The following PTN variants were observed in gnomAD, a reference collection of about 807,000 sequenced individuals.
PTN encodes the protein pleiotrophin.
PTN carries 18 observed loss-of-function variants against 24.1 expected under a neutral mutation model. That is an observed-to-expected ratio of 0.75 (90% CI 0.52 to 1.11). The LOEUF (loss-of-function observed/expected upper bound fraction) is 1.11, where lower values mean the gene tolerates loss of function less well. PTN is among the 50% of genes least tolerant of loss of function. The pLI is 0.00. For synonymous variants in PTN, 78 were observed against 68.6 expected (o/e 1.14, Z -0.67); for missense variants, 163 against 198.8 (o/e 0.82, Z 1.08).
intron 4 of PTN, among the ~76,000 whole-genome samples, chr7:137,238,121 C>T (rs778317872): frequency 1.3e-5 from 2 of 152,130 alleles, no homozygotes; most frequent in Non-Finnish European, 2.9e-5. Flanking sequence ...GTGCACTGAA[C>T]AACAACAAGC....
chr7:137,252,857 G>C (rs1808852479), intron 3 of PTN, among the ~76,000 whole-genome samples: 1 of 149,070 alleles, frequency 6.7e-6, no homozygotes, highest in Non-Finnish European at 1.5e-5. Context: ...ACTGACTCCA[G>C]TCAGTGGGAG....
intron 4 of PTN, among the ~76,000 whole-genome samples, chr7:137,229,764 T>C (rs1808396959): frequency 6.6e-6 from 1 of 151,838 alleles, no homozygotes; most frequent in African/African-American, 2.4e-5. Context: ...CAAATATCTT[T>C]CTTTCACCCT....
chr7:137,239,458 G>T (rs1808586357), intron 4 of PTN, among the ~76,000 whole-genome samples: 2 of 151,588 alleles, frequency 1.3e-5, no homozygotes, highest in South Asian at 4.2e-4. Context: ...GTGCAGGTTA[G>T]TTACACATGT....
chr7:137,249,911 A>T (rs1808793716), intron 4 of PTN, among the ~76,000 whole-genome samples: 1 of 152,068 alleles, frequency 6.6e-6, no homozygotes, highest in South Asian at 2.1e-4. Context: ...TCTATGGACA[A>T]CTCCAGCAGT....
intron 4 of PTN, chr7:137,236,327 A>C (rs1409138048): frequency 5.7e-6 from 4 of 697,292 alleles, no homozygotes; most frequent in Non-Finnish European, 1.0e-5. Context: ...CAGTAGAGTC[A>C]GGGGTGGGGG....
intron 1 of PTN, among the ~76,000 whole-genome samples, chr7:137,322,795 A>G (rs1249636237): frequency 1.3e-5 from 2 of 152,208 alleles, no homozygotes; most frequent in African/African-American, 2.4e-5. Flanking sequence ...ATTAGCTTCC[A>G]AAACTTCACT....
rs1387056797 is a variant in PTN, at chr7:137,280,821, G to A, written c.-1-25847C>T. The stretch of plus-strand genomic sequence containing the variant: ...TGGGAGGCAGAGGCTGCAGTGAGCC[G>A]AGATTGTGCCACTGCACTCCAGCCT... On this transcript the variant is annotated intron_variant, in intron 1 of 4. Coordinates refer to ENST00000348225, the MANE Select transcript of PTN (RefSeq NM_002825.7). Among the ~76,000 whole-genome samples the A allele has an allele frequency of 6.1e-5, 9 of 146,544 alleles. No individual in the cohort carries two copies. The East Asian group carries it at 1.4e-3, about 23-fold the overall frequency.
At chr7:137,244,398 T>TA (rs1808687034) in intron 4 of PTN, among the ~76,000 whole-genome samples, 1 of 137,250 alleles carries the variant, frequency 7.3e-6, no homozygotes, top group Non-Finnish European at 1.6e-5. Context: ...TTTTTTTTTT[T>TA]ACTTTAAGTT....
chr7:137,256,213 G>A (rs552114009), intron 1 of PTN, among the ~76,000 whole-genome samples: 2 of 151,918 alleles, frequency 1.3e-5, no homozygotes, highest in East Asian at 3.9e-4. Flanking sequence ...TTTACTTTAA[G>A]TTCCAAGATA....
chr7:137,281,712 TCAA>T (rs1809477714), intron 1 of PTN, among the ~76,000 whole-genome samples: 1 of 152,170 alleles, frequency 6.6e-6, no homozygotes, highest in African/African-American at 2.4e-5. Context: ...CCCAACTTCT[TCAA>T]ATAAGTGCTT....
chr7:137,295,414 T>C (rs1322595372), intron 1 of PTN, among the ~76,000 whole-genome samples: 1 of 152,068 alleles, frequency 6.6e-6, no homozygotes, highest in Non-Finnish European at 1.5e-5. Flanking sequence ...ACGTTACCAA[T>C]TGCTGCCTGG....
chr7:137,234,454 T>C (rs1373531637), intron 4 of PTN, among the ~76,000 whole-genome samples: 1 of 152,102 alleles, frequency 6.6e-6, no homozygotes, highest in African/African-American at 2.4e-5. Context: ...CAGCAATTTA[T>C]ATGAGTCTAT....
At chr7:137,307,036 C>T (rs1809900543) in intron 1 of PTN, among the ~76,000 whole-genome samples, 1 of 152,066 alleles carries the variant, frequency 6.6e-6, no homozygotes, top group Non-Finnish European at 1.5e-5. Context: ...ATTTTCCATA[C>T]ATGCCAGAAG....
chr7:137,340,003 T>A (rs895130970), intron 1 of PTN, among the ~76,000 whole-genome samples: 1 of 152,240 alleles, frequency 6.6e-6, no homozygotes, highest in South Asian at 2.1e-4. Context: ...TGTTACACTA[T>A]GTGTGAAGTT....
chr7:137,238,059 T>C (rs1440299377), intron 4 of PTN, among the ~76,000 whole-genome samples: 1 of 152,182 alleles, frequency 6.6e-6, no homozygotes, highest in African/African-American at 2.4e-5. Flanking sequence ...CTTCTACAAA[T>C]ATTGTTTACT....
At chr7:137,240,388 ATTTGCCACTCTATGTGG>A (rs1305454932) in intron 4 of PTN, among the ~76,000 whole-genome samples, 1 of 152,134 alleles carries the variant, frequency 6.6e-6, no homozygotes, top group Non-Finnish European at 1.5e-5. Flanking sequence ...GTCTCATAGC[ATTTGCCACTCTATGTGG>A]TACACTGGAA....
chr7:137,329,519 C>T (rs779177514), intron 1 of PTN, among the ~76,000 whole-genome samples: 1 of 152,064 alleles, frequency 6.6e-6, no homozygotes, highest in Non-Finnish European at 1.5e-5. Context: ...GAGCTTGGCT[C>T]CAGGTACCTG....
intron 1 of PTN, among the ~76,000 whole-genome samples, chr7:137,259,440 T>C (rs1808993973): frequency 6.6e-6 from 1 of 152,042 alleles, no homozygotes; most frequent in South Asian, 2.1e-4. Flanking sequence ...CACAACAGAT[T>C]GAACTGTTTT....
intron 1 of PTN, among the ~76,000 whole-genome samples, chr7:137,320,940 A>G (rs1228117420): frequency 1.3e-5 from 2 of 152,128 alleles, no homozygotes; most frequent in Non-Finnish European, 2.9e-5. Flanking sequence ...TCTGTGTTAT[A>G]ACTTCTGGCT....
Sources: allele counts gnomAD v4.1 joint callset (sites outside exome capture counted in the v4.1 genomes callset), GRCh38; gene constraint gnomAD v4.1.1; transcripts MANE v1.5; gene names NCBI Gene and HGNC (gene_info 2026-07-23, HGNC 2026-07-21).